ANTXR2: variants seen among roughly 807,000 people sequenced by gnomAD.
ANTXR2 encodes the protein anthrax toxin receptor 2.
Under a neutral mutation model 73.7 loss-of-function variants are expected in ANTXR2, and 44 were observed. That is an observed-to-expected ratio of 0.60 (90% CI 0.47 to 0.77). The LOEUF (loss-of-function observed/expected upper bound fraction) is 0.77. ANTXR2 is among the 30% of genes least tolerant of loss of function. The pLI, the probability that ANTXR2 is intolerant of heterozygous loss-of-function variation, is 0.00. For missense variants in ANTXR2, 604 were observed against 592.5 expected, an observed-to-expected ratio of 1.02 and a Z score of -0.20; for synonymous variants, 217 against 205.9, an observed-to-expected ratio of 1.05 and a Z score of -0.46.
At position 79,978,056 on chromosome 4, in the gene ANTXR2, G is replaced by T; in HGVS notation, c.1298C>A (p.Pro433His). ...CTGAGGAGGCTGGTGTGTGGGTTTG[G>T]GTCGAGGTGGTCTAGGCCTGATGGG... is the stretch of plus-strand genomic sequence containing the variant. ...EEPIRPRPPRPKPTHQPPQTK... is the reference protein window; with the variant it reads ...EEPIRPRPPRHKPTHQPPQTK... The change falls in exon 15 of 17, where the codon CCC (proline) becomes CAC (histidine). Residue 433 changes from proline to histidine, a missense_variant. Physicochemically the swap from Pro to His is moderately conservative, Grantham distance 77. Transcript: ENST00000403729. 6.2e-7 allele frequency: 1 copy of T among 1,612,386 alleles called. No homozygotes were observed. Among genetic ancestry groups the T allele is most frequent in the South Asian group, 1.1e-5 (1 of 90,912 alleles).
intron 12 of ANTXR2, among the ~76,000 whole-genome samples, chr4:79,987,341 G>C (rs115713192): frequency 1.3e-5 from 2 of 151,524 alleles, no homozygotes; most frequent in African/African-American, 2.4e-5. Flanking sequence ...TAATGCAATC[G>C]GAAGCATTAA....
At chr4:80,004,874 CAGG>C (rs1025493555) in intron 12 of ANTXR2, among the ~76,000 whole-genome samples, 9 of 151,964 alleles carry the variant, frequency 5.9e-5, no homozygotes, top group African/African-American at 2.2e-4. Flanking sequence ...ACTTCCTCTC[CAGG>C]AGAATTACCA....
chr4:80,038,033 A>T lies in ANTXR2; in HGVS notation c.637-2001T>A, dbSNP rs182224322. On this transcript the variant is annotated intron_variant, in intron 7 of 16. Transcript: ENST00000403729. ...TTAGTTATTTAGCCACAGCTTTATC[A>T]GTATTACTGAAAAAATATTTCAAGT... 2.0e-5 allele frequency among the ~76,000 whole-genome samples: 3 copies of T among 152,282 alleles called. No individual in the cohort carries two copies. In the East Asian group the frequency reaches 5.8e-4, roughly 29 times the overall value.
At chr4:80,041,657 C>A (rs1355978540) in intron 7 of ANTXR2, among the ~76,000 whole-genome samples, 1 of 152,016 alleles carries the variant, frequency 6.6e-6, no homozygotes, top group Non-Finnish European at 1.5e-5. Context: ...TGTCTTGTTC[C>A]CCACCCTGTG....
At chr4:79,979,584 T>C (rs35924951) in intron 14 of ANTXR2, among the ~76,000 whole-genome samples, 10,572 of 152,276 alleles carry the variant, frequency 0.069, 448 homozygotes, top group Middle Eastern at 0.11. Flanking sequence ...GTGGGCCCTG[T>C]TGAGTCATTA....
rs375215368 is a variant in ANTXR2 at position 80,032,878 on chromosome 4, C to T, written c.796+594G>A. ...AAATTAAAACTCAATTCAATAAATA[C>T]GAAAATTATCAACCAAAACTATGCT... On this transcript the variant is annotated intron_variant, in intron 9 of 16. Transcript: ENST00000403729. Among the ~76,000 whole-genome samples the T allele has an allele frequency of 1.5e-4, 22 of 151,336 alleles. No individual in the cohort carries two copies. The East Asian group carries it at 2.7e-3, about 19-fold the overall frequency.
chr4:79,930,032 T>C (rs1365429397), intron 16 of ANTXR2, among the ~76,000 whole-genome samples: 1 of 152,194 alleles, frequency 6.6e-6, no homozygotes, highest in Non-Finnish European at 1.5e-5. Context: ...CAAATCTTCC[T>C]AGCAAGTAAG....
At chr4:80,007,121 G>A (rs1375813611) in intron 12 of ANTXR2, among the ~76,000 whole-genome samples, 2 of 152,110 alleles carry the variant, frequency 1.3e-5, no homozygotes, top group African/African-American at 4.8e-5. Flanking sequence ...TGGGCCAACT[G>A]CTCTGAGATA....
chr4:79,913,978 A>T (rs932533951), intron 16 of ANTXR2, among the ~76,000 whole-genome samples: 1 of 152,174 alleles, frequency 6.6e-6, no homozygotes, highest in Non-Finnish European at 1.5e-5. Context: ...GATCACTAGT[A>T]AACTATCTGT....
Position 80,008,548 on chromosome 4 carries a change from C to A in ANTXR2, c.1014G>T (p.Trp338Cys). Residue 338 changes from tryptophan (W) to cysteine (C), a missense_variant, in exon 12 of 17, where the codon TGG becomes TGT. Physicochemically the swap from Trp to Cys is radical, Grantham distance 215 (BLOSUM62 -2). Transcript: ENST00000403729. Reference protein sequence around the residue: ...LLLLLGIGLMWWFWPLCCKVV... With the variant: ...LLLLLGIGLMCWFWPLCCKVV... Reference sequence around the variant, plus strand: ...CTTTGCAGCAAAGGGGCCAAAACCACCACATCAAACCGATCCCCAGGAGTA... The same window carrying A: ...CTTTGCAGCAAAGGGGCCAAAACCAACACATCAAACCGATCCCCAGGAGTA... 6.2e-7 allele frequency: 1 copy of A among 1,608,622 alleles called. No homozygotes were observed. Among genetic ancestry groups the A allele is most frequent in the Non-Finnish European group, 8.5e-7 (1 of 1,177,836 alleles).
chr4:79,965,084 CCGAGCCA>C (rs1729312918), intron 16 of ANTXR2: 1 of 81,808 alleles, frequency 1.2e-5, no homozygotes, highest in Non-Finnish European at 3.3e-5. Flanking sequence ...GGTGCGGCCT[CCGAGCCA>C]TAAGAGCCAT....
At chr4:79,965,917 C>A (rs1447289051) in intron 16 of ANTXR2, among the ~76,000 whole-genome samples, 1 of 152,116 alleles carries the variant, frequency 6.6e-6, no homozygotes, top group African/African-American at 2.4e-5. Flanking sequence ...ATGGACATCT[C>A]TTAAAAATAT....
At chr4:79,958,112 T>G (rs1254584308) in intron 16 of ANTXR2, among the ~76,000 whole-genome samples, 1 of 152,056 alleles carries the variant, frequency 6.6e-6, no homozygotes, top group Admixed American at 6.6e-5. Flanking sequence ...TTCTCTCTCC[T>G]TCTATATCAC....
At chr4:79,976,915 A>G (rs1248556692) in intron 16 of ANTXR2, among the ~76,000 whole-genome samples, 1 of 152,174 alleles carries the variant, frequency 6.6e-6, no homozygotes, top group African/African-American at 2.4e-5. Flanking sequence ...AACCAAACCT[A>G]TCCATTGTTA....
rs201890286 is a variant in ANTXR2 at position 80,005,671 on chromosome 4, T to C, written c.1041+2850A>G. Among the ~76,000 whole-genome samples the C allele has an allele frequency of 1.2e-4, 18 of 152,256 alleles. No individual in the cohort carries two copies. The East Asian group carries it at 2.3e-3, about 20-fold the overall frequency. ...TTCAGCTTGAGATTCCAGCTGTCTATACTTTGTTAGAAGTACTTTGTTCTG... is the reference window on the plus strand; with the variant it reads ...TTCAGCTTGAGATTCCAGCTGTCTACACTTTGTTAGAAGTACTTTGTTCTG... On this transcript the variant is annotated intron_variant, in intron 12 of 16. Coordinates refer to ENST00000403729, the MANE Select transcript of ANTXR2 (RefSeq NM_058172.6).
At chr4:79,947,054 C>T (rs940001778) in intron 16 of ANTXR2, among the ~76,000 whole-genome samples, 1 of 152,026 alleles carries the variant, frequency 6.6e-6, no homozygotes, top group Non-Finnish European at 1.5e-5. Flanking sequence ...AAATAGGAAC[C>T]CAGCTGTATT....
At chr4:79,927,121 C>G (rs143834364) in intron 16 of ANTXR2, among the ~76,000 whole-genome samples, 1 of 150,198 alleles carries the variant, frequency 6.7e-6, no homozygotes, top group African/African-American at 2.4e-5. Context: ...CTGGCATTTA[C>G]GACAACAGAT....
chr4:80,072,538 G>A lies in ANTXR2; in HGVS notation c.23C>T (p.Ala8Val), dbSNP rs917769997. 16 of 1,581,652 alleles carry A rather than the reference G, an allele frequency of 1.0e-5. No individual in the cohort carries two copies. Among genetic ancestry groups the A allele is most frequent in the Non-Finnish European group, 1.4e-5 (16 of 1,165,886 alleles). The stretch of plus-strand genomic sequence containing the variant: ...GAACAGCCAGCTCCCGGGGCTGCGG[G>A]CCGGGGACCGCTCCGCCACCATCCT... MVAERSP[A>V]RSPGSWLFPG... Residue 8 changes from alanine (A) to valine (V), a missense_variant, in exon 1 of 17, where the codon GCC (alanine) becomes GTC (valine). By Grantham distance (64) the Ala-to-Val change is moderately conservative. Coordinates refer to ENST00000403729, the MANE Select transcript of ANTXR2 (RefSeq NM_058172.6).
intron 16 of ANTXR2, among the ~76,000 whole-genome samples, chr4:79,911,705 G>A (rs1727146521): frequency 6.6e-6 from 1 of 151,812 alleles, no homozygotes; most frequent in African/African-American, 2.4e-5. Flanking sequence ...TAAGTGTTTA[G>A]AGAATAATAT....
Sources: allele counts gnomAD v4.1 joint callset (sites outside exome capture counted in the v4.1 genomes callset), GRCh38; gene constraint gnomAD v4.1.1; transcripts MANE v1.5; gene names NCBI Gene and HGNC (gene_info 2026-07-23, HGNC 2026-07-21).